Variants in KRI1 observed in about 807,000 individuals in gnomAD.
KRI1 encodes the protein KRI1 homolog.
Under a neutral mutation model 97.0 loss-of-function variants are expected in KRI1, and 83 were observed. That is an observed-to-expected ratio of 0.86 (90% confidence interval 0.72 to 1.03). The LOEUF (loss-of-function observed/expected upper bound fraction) is 1.03. Ranked by LOEUF, KRI1 falls within the 50% of genes least tolerant of loss-of-function variation. The probability of loss-of-function intolerance (pLI) is 0.00; values close to 1 mark genes in which losing one functional copy is unlikely to be tolerated. For missense variants in KRI1, 916 were observed against 928.4 expected (o/e 0.99, Z 0.17); for synonymous variants, 371 against 363.5 (o/e 1.02, Z -0.23).
At position 10,565,967 on chromosome 19, in the gene KRI1, C is replaced by T; in HGVS notation, c.33G>A (p.Arg11=). MPEPRGSSQL[R]VNAAFAARYN... ...ACCGCGCGGCAAACGCCGCGTTCAC[C>T]CGCAGCTGCGACGACCCGCGCGGTT... is the stretch of plus-strand genomic sequence containing the variant. Residue 11 remains arginine (R), a synonymous_variant, in exon 1 of 19, where the codon CGG becomes CGA. Transcript: ENST00000312962. 2 of 1,527,798 alleles carry T rather than the reference C, an allele frequency of 1.3e-6. No individual in the cohort carries two copies. Among genetic ancestry groups the T allele is most frequent in the Non-Finnish European group, 1.8e-6 (2 of 1,140,988 alleles). 94.6% of individuals were successfully genotyped at this position (1,527,798 alleles called of 1,614,324 possible). A position where few individuals can be genotyped will look rare whatever the true frequency, so the allele number is the denominator to read the frequency against.
At position 10,557,627 on chromosome 19, in the gene KRI1, G is replaced by T; in HGVS notation, c.1542C>A (p.Asp514Glu). 6.2e-7 allele frequency: 1 copy of T among 1,614,190 alleles called. No homozygotes were observed. The highest frequency in any genetic ancestry group is 8.5e-7 in the Non-Finnish European group (1 of 1,180,018). The change falls in exon 16 of 19, where the codon GAC becomes GAA. Residue 514 changes from aspartate (D) to glutamate (E), a missense_variant. Physicochemically the swap from Asp to Glu is conservative, Grantham distance 45. Around this residue, in one of 3 missense-constraint regions of KRI1, gnomAD observed 672 missense variants for 667.2 expected, o/e 1.01. Transcript: ENST00000312962. Reference protein sequence around the residue: ...LDEYYRLDYEDIIDDLPCRFK... With the variant: ...LDEYYRLDYEEIIDDLPCRFK... The stretch of plus-strand genomic sequence containing the variant: ...AGCGACAGGGCAGGTCGTCGATGAT[G>T]TCCTCGTAGTCCAGCCGGTAATACT...
rs140755508 is a variant in KRI1, at chr19:10,561,012, C to T, written c.654G>A (p.Leu218=). The T allele has an allele frequency of 2.7e-5, 44 of 1,613,362 alleles. No homozygotes were observed. In the African/African-American group the frequency reaches 4.7e-4, roughly 17 times the overall value. ...GQKEIRNPDS[L]KELTHLKEYW... is the part of the protein sequence containing the mutation. Reference sequence around the variant, plus strand: ...ATGCGTGAGAACTCACCAGTTCCTTCAGGGAATCTGGGTTCCGAATCTCTT... The same window carrying T: ...ATGCGTGAGAACTCACCAGTTCCTTTAGGGAATCTGGGTTCCGAATCTCTT... Residue 218 remains leucine (L), a synonymous_variant, in exon 8 of 19, where the codon CTG becomes CTA. Transcript: ENST00000312962.
Position 10,554,158 on chromosome 19 carries a change from T to C in KRI1, c.1905A>G (p.Glu635=), listed in dbSNP as rs776239549. Residue 635 remains glutamate (E), a synonymous_variant, in exon 19 of 19, where the codon GAA becomes GAG. Coordinates refer to ENST00000312962, the MANE Select transcript of KRI1 (RefSeq NM_023008.5). The part of the protein sequence containing the change: ...GPESPPAQEE[E]APVSPHKKPA... Reference sequence around the variant, plus strand: ...GCTTCTTGTGGGGTGATACAGGGGCTTCCTCTTCCTGTGCTGGGGGACTCT... The same window carrying C: ...GCTTCTTGTGGGGTGATACAGGGGCCTCCTCTTCCTGTGCTGGGGGACTCT... 1 of 1,613,908 alleles carries C rather than the reference T, an allele frequency of 6.2e-7. No individual in the cohort carries two copies. The highest frequency in any genetic ancestry group is 1.7e-5 in the Admixed American group (1 of 59,980).
At chr19:10,560,548 G>A (rs1465892746) in intron 8 of KRI1, 100 bp from the exon 9 acceptor site, 2 of 828,994 alleles carry the variant, frequency 2.4e-6, no homozygotes, top group Non-Finnish European at 3.9e-6. Flanking sequence ...TGGAGTAGGT[G>A]ACATTAGCCC....
At chr19:10,556,818 A>G (rs1415861792) in intron 16 of KRI1, among the ~76,000 whole-genome samples, 2 of 151,502 alleles carry the variant, frequency 1.3e-5, no homozygotes, top group Admixed American at 1.3e-4. Flanking sequence ...ACAGTAAAAC[A>G]TCATCTGTAC....
At chr19:10,565,460 G>GT (rs966415044) in intron 2 of KRI1, 12 of 553,694 alleles carry the variant, frequency 2.2e-5, no homozygotes, top group African/African-American at 2.0e-4. Context: ...GAAAGGGGGG[G>GT]TTCTTGGGGG....
At chr19:10,563,030 G>T (rs1021752605) in intron 3 of KRI1, among the ~76,000 whole-genome samples, 193 bp from the exon 4 acceptor site, 1 of 151,976 alleles carries the variant, frequency 6.6e-6, no homozygotes, top group Non-Finnish European at 1.5e-5. Flanking sequence ...TTCCTGCTTT[G>T]ATTATTATTA....
At position 10,559,544 on chromosome 19, in the gene KRI1, A is replaced by G. The variant is rs781271184; in HGVS notation, c.1024-15T>C. The G allele has an allele frequency of 5.6e-6, 9 of 1,613,854 alleles. 1 individual carries two copies. The highest frequency in any genetic ancestry group is 5.0e-5 in the Admixed American group (3 of 59,988). ...TTTGCTTTCTCCTGCAGGCCCAGGC[A>G]GAGAGGGGGAGGGCATGGGCTTTCC... On this transcript the variant is annotated splice_polypyrimidine_tract_variant and intron_variant, in intron 11 of 18. Coordinates refer to ENST00000312962, the MANE Select transcript of KRI1 (RefSeq NM_023008.5).
intron 3 of KRI1, among the ~76,000 whole-genome samples, chr19:10,563,533 G>A (rs1916762733): frequency 6.6e-6 from 1 of 151,724 alleles, no homozygotes; most frequent in Non-Finnish European, 1.5e-5. Flanking sequence ...TTTTAGTAGA[G>A]ATGGGGTTTC....
chr19:10,557,438 C>G (rs1916535589), intron 16 of KRI1, 114 bp downstream of exon 16: 1 of 1,165,886 alleles, frequency 8.6e-7, no homozygotes, highest in South Asian at 1.4e-5. Context: ...GAAGAAACAG[C>G]CTGCCATGTT....
In KRI1 at chr19:10,557,635, A is replaced by G; in HGVS notation, c.1534T>C (p.Tyr512His). 6 of 1,614,136 alleles carry G rather than the reference A, an allele frequency of 3.7e-6. No individual in the cohort carries two copies. Among genetic ancestry groups the G allele is most frequent in the Non-Finnish European group, 5.1e-6 (6 of 1,180,004 alleles). ...EYLDEYYRLD[Y>H]EDIIDDLPCR... ...GGCAGGTCGTCGATGATGTCCTCGT[A>G]GTCCAGCCGGTAATACTCATCCAGG... The change falls in exon 16 of 19, where the codon TAC becomes CAC. Residue 512 changes from tyrosine (Y) to histidine (H), a missense_variant. Tyr to His is a moderately conservative substitution (Grantham distance 83). Transcript: ENST00000312962.
At chr19:10,562,917 A>G in intron 3 of KRI1, 80 bp from the exon 4 acceptor site, 1 of 835,500 alleles carries the variant, frequency 1.2e-6, no homozygotes, top group Non-Finnish European at 2.1e-6. Flanking sequence ...GGGCAGGGCC[A>G]GGGTTAGACA....
Position 10,554,268 on chromosome 19 carries a change from C to T in KRI1, c.1795G>A (p.Ala599Thr). The T allele has an allele frequency of 2.5e-6, 4 of 1,613,832 alleles. No individual in the cohort carries two copies. The highest frequency in any genetic ancestry group is 1.3e-5 in the African/African-American group (1 of 75,044). The change falls in exon 19 of 19, where the codon GCG (alanine) becomes ACG (threonine). Residue 599 changes from alanine (A) to threonine (T), a missense_variant. Physicochemically the swap from Ala to Thr is moderately conservative, Grantham distance 58. Coordinates refer to ENST00000312962, the MANE Select transcript of KRI1 (RefSeq NM_023008.5). ...SLCREEAETP[A>T]EATGKPQRDE... ...CTCTGTGGCTTCCCTGTGGCTTCCG[C>T]AGGTGTCTCTGCCCTGAGGGAGAAA... is the stretch of plus-strand genomic sequence containing the variant.
rs1002103261 is a variant in KRI1 at position 10,565,386 on chromosome 19, T to C, written c.168+331A>G. 8.1e-6 allele frequency: 4 copies of C among 494,816 alleles called. No homozygotes were observed. The African/African-American group carries it at 8.2e-5, about 10-fold the overall frequency. 30.7% of individuals were successfully genotyped at this position (494,816 alleles called of 1,614,324 possible). A position where few individuals can be genotyped will look rare whatever the true frequency, so the allele number is the denominator to read the frequency against. On this transcript the variant is annotated intron_variant, in intron 2 of 18. Coordinates refer to ENST00000312962, the MANE Select transcript of KRI1 (RefSeq NM_023008.5). ...CCAGGATCAGGGCTGATGTGAGAAGTTGGGCGCCCCACGTGGCGCAAGGAG... is the reference window on the plus strand; with the variant it reads ...CCAGGATCAGGGCTGATGTGAGAAGCTGGGCGCCCCACGTGGCGCAAGGAG...
Position 10,565,816 on chromosome 19 carries a change from C to CCG in KRI1, c.95-27_95-26insCG, listed in dbSNP as rs779949183. ...CTGCGGGACACAGACGGGATGCCCC[C>CCG]CCCCAGGTCAGCCGGCGGGGCCACT... is the stretch of plus-strand genomic sequence containing the variant. On this transcript the variant is annotated intron_variant, in intron 1 of 18. Coordinates refer to ENST00000312962, the MANE Select transcript of KRI1 (RefSeq NM_023008.5). 1.3e-4 allele frequency: 208 copies of CCG among 1,550,402 alleles called. 1 individual carries two copies. Among genetic ancestry groups the CCG allele is most frequent in the East Asian group, 4.4e-4 (18 of 41,082 alleles).
rs759313229 is a variant in KRI1 at position 10,554,185 on chromosome 19, C to A, written c.1878G>T (p.Pro626=). 6.2e-7 allele frequency: 1 copy of A among 1,613,750 alleles called. No homozygotes were observed. The highest frequency in any genetic ancestry group is 8.5e-7 in the Non-Finnish European group (1 of 1,179,976). ...LPALDGSLMG[P]ESPPAQEEEA... Reference sequence around the variant, plus strand: ...CCTCTTCCTGTGCTGGGGGACTCTCCGGCCCCATCAAGCTGCCATCAAGGG... The same window carrying A: ...CCTCTTCCTGTGCTGGGGGACTCTCAGGCCCCATCAAGCTGCCATCAAGGG... Residue 626 remains proline, a synonymous_variant, in exon 19 of 19, where the codon CCG becomes CCT. Coordinates refer to ENST00000312962, the MANE Select transcript of KRI1 (RefSeq NM_023008.5).
chr19:10,565,812 C>CCCG (rs1555750197), intron 1 of KRI1, 22 bp from the exon 2 acceptor site: 66 of 1,276,456 alleles, frequency 5.2e-5, no homozygotes, highest in African/African-American at 3.7e-4. Flanking sequence ...AGACGGGATG[C>CCCG]CCCCCCCCAG....
At chr19:10,565,673 G>T in intron 2 of KRI1, 44 bp downstream of exon 2, 1 of 1,532,816 alleles carries the variant, frequency 6.5e-7, no homozygotes, top group South Asian at 1.2e-5. Flanking sequence ...GCAGAGGGGG[G>T]CTTGGACGCC....
Position 10,565,817 on chromosome 19 carries a change from C to CCCG in KRI1, c.95-28_95-27insCGG, listed in dbSNP as rs1555750210. ...TGCGGGACACAGACGGGATGCCCCC[C>CCCG]CCCAGGTCAGCCGGCGGGGCCACTC... On this transcript the variant is annotated intron_variant, in intron 1 of 18. Coordinates refer to ENST00000312962, the MANE Select transcript of KRI1 (RefSeq NM_023008.5). 62 of 1,552,660 alleles carry CCCG rather than the reference C, an allele frequency of 4.0e-5. 1 individual carries two copies. The highest frequency in any genetic ancestry group is 3.3e-4 in the African/African-American group (24 of 71,970).
Sources: allele counts gnomAD v4.1 joint callset (sites outside exome capture counted in the v4.1 genomes callset), GRCh38; gene constraint gnomAD v4.1.1; regional missense constraint gnomAD v4.1.1; transcripts MANE v1.5; gene names NCBI Gene and HGNC (gene_info 2026-07-23, HGNC 2026-07-21).